Variants in SCAI observed in about 807,000 individuals in gnomAD.
The protein encoded by SCAI is protein SCAI.
In SCAI, 24 loss-of-function variants were observed where a neutral mutation model predicts 92.2. The observed-to-expected ratio is 0.26, with a 90% CI of 0.19 to 0.37. The LOEUF (loss-of-function observed/expected upper bound fraction) is 0.37, where lower values mean the gene tolerates loss of function less well. SCAI is among the 10% of genes least tolerant of loss of function. The pLI is 1.00. For missense variants in SCAI, 450 were observed against 736.2 expected, an observed-to-expected ratio of 0.61 and a Z score of 4.50; for synonymous variants, 261 against 258.6, an observed-to-expected ratio of 1.01 and a Z score of -0.09.
intron 1 of SCAI, among the ~76,000 whole-genome samples, 179 bp downstream of exon 1, chr9:125,143,206 G>A (rs1835710869): frequency 6.6e-6 from 1 of 150,626 alleles, no homozygotes; most frequent in Non-Finnish European, 1.5e-5. Context: ...GCCTCGAGGA[G>A]GCGATCGCGC....
chr9:125,041,238 C>T (rs753348523), intron 3 of SCAI, among the ~76,000 whole-genome samples: 1 of 152,176 alleles, frequency 6.6e-6, no homozygotes, highest in Non-Finnish European at 1.5e-5. Context: ...TAGTTTCCCA[C>T]ATTTATTGTA....
At chr9:124,961,737 T>C (rs184668780) in intron 17 of SCAI, among the ~76,000 whole-genome samples, 39 of 151,830 alleles carry the variant, frequency 2.6e-4, no homozygotes, top group Admixed American at 1.2e-3. Context: ...AGCTGACCCC[T>C]GAACAATGCA....
At chr9:125,098,946 T>C (rs1834621014) in intron 2 of SCAI, among the ~76,000 whole-genome samples, 1 of 152,120 alleles carries the variant, frequency 6.6e-6, no homozygotes, top group East Asian at 1.9e-4. Context: ...TGTTTCCAGT[T>C]CTTCTCAATT....
At chr9:125,142,054 T>TG (rs760112487) in intron 2 of SCAI, among the ~76,000 whole-genome samples, 38 of 152,176 alleles carry the variant, frequency 2.5e-4, no homozygotes, top group Non-Finnish European at 5.1e-4. Flanking sequence ...CCTCAGCCTC[T>TG]TGAGAAGCTG....
intron 2 of SCAI, among the ~76,000 whole-genome samples, chr9:125,116,665 C>A (rs1484127605): frequency 6.6e-6 from 1 of 151,776 alleles, no homozygotes; most frequent in Non-Finnish European, 1.5e-5. Flanking sequence ...AAGAGAAAAC[C>A]ATTTTCTGCT....
At chr9:125,054,937 G>T (rs575463407) in intron 3 of SCAI, among the ~76,000 whole-genome samples, 2 of 152,200 alleles carry the variant, frequency 1.3e-5, no homozygotes, top group Admixed American at 6.5e-5. Context: ...TATTAAGAGT[G>T]GTGAGTGTCA....
At chr9:125,123,336 C>T (rs1443509459) in intron 2 of SCAI, among the ~76,000 whole-genome samples, 2 of 151,106 alleles carry the variant, frequency 1.3e-5, no homozygotes, top group African/African-American at 4.9e-5. Flanking sequence ...ACACTCCAGA[C>T]TGGCCAAGAG....
chr9:125,013,479 G>A (rs1365228357), intron 9 of SCAI, among the ~76,000 whole-genome samples: 1 of 152,194 alleles, frequency 6.6e-6, no homozygotes, highest in African/African-American at 2.4e-5. Context: ...GACTAAACCA[G>A]GAAGAAGTTG....
At chr9:124,979,908 G>T (rs778030120) in intron 14 of SCAI, among the ~76,000 whole-genome samples, 1 of 151,944 alleles carries the variant, frequency 6.6e-6, no homozygotes, top group Non-Finnish European at 1.5e-5. Flanking sequence ...AAATTAGCCG[G>T]GCATGGTGGC....
chr9:124,946,627 C>T lies in SCAI; in HGVS notation c.*6180G>A, dbSNP rs963286258. ...GAAGTAACCAAACATTGATACTTGG[C>T]AACATTCTATAGGTTCACAAATTGG... is the stretch of plus-strand genomic sequence containing the variant. On this transcript the variant is annotated 3_prime_UTR_variant, in exon 18 of 18. Transcript: ENST00000336505. This position sits in a 1 kb window ranked among gnomAD's most constrained non-coding sequence, Gnocchi z 4.0. The T allele has an allele frequency of 6.6e-6, 1 of 152,184 alleles. No individual in the cohort carries two copies. The highest frequency in any genetic ancestry group is 2.4e-5 in the African/African-American group (1 of 41,456). 9.4% of individuals were successfully genotyped at this position (152,184 alleles called of 1,614,324 possible). A position where few individuals can be genotyped will look rare whatever the true frequency, so the allele number is the denominator to read the frequency against.
intron 2 of SCAI, among the ~76,000 whole-genome samples, chr9:125,074,200 C>T (rs1333734405): frequency 1.3e-5 from 2 of 148,512 alleles, no homozygotes; most frequent in South Asian, 2.2e-4. Context: ...CAGAGGTTGC[C>T]GCGAGCCAAG....
intron 3 of SCAI, among the ~76,000 whole-genome samples, chr9:125,034,952 T>A (rs943421121): frequency 6.6e-6 from 1 of 152,204 alleles, no homozygotes; most frequent in African/African-American, 2.4e-5. Context: ...TTAGAATCCA[T>A]GTATAGATCA....
At chr9:125,097,827 G>T (rs1241442831) in intron 2 of SCAI, among the ~76,000 whole-genome samples, 1 of 151,234 alleles carries the variant, frequency 6.6e-6, no homozygotes, top group Non-Finnish European at 1.5e-5. Context: ...GAACCTTCAA[G>T]AATTAAAATA....
chr9:124,994,905 AC>A (rs1406144791), intron 14 of SCAI, 28 bp downstream of exon 14: 1 of 1,520,616 alleles, frequency 6.6e-7, no homozygotes, highest in South Asian at 1.1e-5. Context: ...CACAATGTCT[AC>A]CTGTGCAATA....
At chr9:125,034,074 T>A (rs919048180) in intron 3 of SCAI, among the ~76,000 whole-genome samples, 12 of 152,164 alleles carry the variant, frequency 7.9e-5, no homozygotes, top group Non-Finnish European at 1.5e-4. Flanking sequence ...AGGAACACTT[T>A]AAGGACCTGT....
At chr9:125,104,543 C>T (rs1834736742) in intron 2 of SCAI, among the ~76,000 whole-genome samples, 1 of 139,816 alleles carries the variant, frequency 7.2e-6, no homozygotes, top group African/African-American at 2.7e-5. Flanking sequence ...AAAAAACAAA[C>T]AAAACAAATA....
intron 2 of SCAI, among the ~76,000 whole-genome samples, chr9:125,118,167 G>T (rs1835087960): frequency 6.6e-6 from 1 of 152,066 alleles, no homozygotes; most frequent in African/African-American, 2.4e-5. Context: ...CACATTATAT[G>T]TAAAATATTA....
chr9:125,105,824 C>A (rs1183084096), intron 2 of SCAI, among the ~76,000 whole-genome samples: 1 of 151,722 alleles, frequency 6.6e-6, no homozygotes, highest in East Asian at 1.9e-4. Context: ...GTTGGCCGGG[C>A]GCGGTGGCTC....
chr9:124,980,830 A>T (rs1831870618), intron 14 of SCAI, among the ~76,000 whole-genome samples: 1 of 152,176 alleles, frequency 6.6e-6, no homozygotes, highest in African/African-American at 2.4e-5. Context: ...CTATATGCCG[A>T]GTCCTGTGAA....
Sources: gnomAD v4.1 joint callset for allele counts (sites outside exome capture counted in the v4.1 genomes callset) on GRCh38, gnomAD v4.1.1 for gene constraint, Gnocchi (gnomAD v3.1) non-coding constraint, MANE v1.5 for transcripts, NCBI Gene and HGNC (gene_info 2026-07-23, HGNC 2026-07-21) for gene names.